ANKRD11: variants seen among roughly 807,000 people sequenced by gnomAD.
ANKRD11 encodes ankyrin repeat domain 11, also known as ankyrin repeat domain-containing protein 11.
A neutral mutation model predicts 195.7 loss-of-function variants in ANKRD11; 17 were observed. The observed-to-expected ratio is 0.09, with a 90% confidence interval of 0.06 to 0.13. The LOEUF (loss-of-function observed/expected upper bound fraction) is 0.13. ANKRD11 is among the 10% of genes least tolerant of loss of function. The pLI, the probability that ANKRD11 is intolerant of heterozygous loss-of-function variation, is 1.00. For synonymous variants in ANKRD11, 1,953 were observed against 1,528.1 expected, an observed-to-expected ratio of 1.28 and a Z score of -6.49; for missense variants, 3,735 against 3,566.1, an observed-to-expected ratio of 1.05 and a Z score of -1.21.
chr16:89,283,304 G>A lies in ANKRD11; in HGVS notation c.3238C>T (p.Leu1080Phe), dbSNP rs867828589. 19 of 1,614,040 alleles carry A rather than the reference G, an allele frequency of 1.2e-5. No individual in the cohort carries two copies. Among genetic ancestry groups the A allele is most frequent in the East Asian group, 2.2e-5 (1 of 44,874 alleles). The change falls in exon 9 of 13, where the codon CTC becomes TTC. Residue 1080 changes from leucine (L) to phenylalanine (F), a missense_variant. Leu to Phe is a conservative substitution (Grantham distance 22). Coordinates refer to ENST00000301030, the MANE Select transcript of ANKRD11 (RefSeq NM_013275.6). This position sits in a 1 kb window ranked among gnomAD's most constrained non-coding sequence, Gnocchi z 4.3. ...TCCTTCTTCTCTTTCCCTTGGTCGA[G>A]AGACGCTTTCCTTTCTTTGTCTTTG... ...HGKDKERKASLDQGKEKKEKA... is the reference protein window; with the variant it reads ...HGKDKERKASFDQGKEKKEKA...
chr16:89,450,541 G>C (rs934606377), intron 1 of ANKRD11, among the ~76,000 whole-genome samples: 7 of 152,304 alleles, frequency 4.6e-5, no homozygotes, highest in Middle Eastern at 3.4e-3. Context: ...CTTTGTTTTA[G>C]TACTGATTGC....
chr16:89,415,914 G>A (rs1010542395), intron 2 of ANKRD11, among the ~76,000 whole-genome samples: 25 of 148,426 alleles, frequency 1.7e-4, no homozygotes, highest in Middle Eastern at 3.5e-3. Flanking sequence ...GGGTCACGGC[G>A]CCTCTGGTCA....
chr16:89,325,198 C>T (rs1160686465), intron 2 of ANKRD11: 3 of 152,318 alleles, frequency 2.0e-5, no homozygotes, highest in Non-Finnish European at 4.4e-5. Flanking sequence ...GAGGGTGGAA[C>T]ACTACACAGC....
At chr16:89,482,681 T>C (rs1004820798) in intron 1 of ANKRD11, among the ~76,000 whole-genome samples, 6 of 152,166 alleles carry the variant, frequency 3.9e-5, no homozygotes, top group African/African-American at 7.2e-5. Flanking sequence ...ATTCCAGCAC[T>C]GCTGGGGGGC....
At chr16:89,467,361 G>A (rs1567845890) in intron 1 of ANKRD11, among the ~76,000 whole-genome samples, 1 of 152,138 alleles carries the variant, frequency 6.6e-6, no homozygotes, top group Non-Finnish European at 1.5e-5. Flanking sequence ...AAAACTGCCT[G>A]AGCCCAGGAA....
At chr16:89,310,523 A>G (rs1408069311) in intron 3 of ANKRD11, among the ~76,000 whole-genome samples, 2 of 152,218 alleles carry the variant, frequency 1.3e-5, no homozygotes, top group Admixed American at 6.5e-5. Flanking sequence ...TCTGTACATC[A>G]ATGTGGAGAG....
At chr16:89,468,368 T>C (rs866484697) in intron 1 of ANKRD11, among the ~76,000 whole-genome samples, 12 of 152,234 alleles carry the variant, frequency 7.9e-5, no homozygotes, top group Middle Eastern at 3.4e-3. Context: ...TTTGCACCCC[T>C]TGAACCCAGT....
At chr16:89,312,996 C>G (rs907202927) in intron 3 of ANKRD11, among the ~76,000 whole-genome samples, 1 of 152,200 alleles carries the variant, frequency 6.6e-6, no homozygotes, top group African/African-American at 2.4e-5. Context: ...CTGAGACTCG[C>G]TGGAGGGCTC....
Position 89,281,563 on chromosome 16 carries a change from A to C in ANKRD11, c.4979T>G (p.Ile1660Ser). 3 of 1,614,168 alleles carry C rather than the reference A, an allele frequency of 1.9e-6. No individual in the cohort carries two copies. The highest frequency in any genetic ancestry group is 8.5e-7 in the Non-Finnish European group (1 of 1,180,016). ...KDKKLKESTP[I>S]PPAAENKLHP... ...TAGCTTATTTTCCGCGGCAGGTGGA[A>C]TAGGAGTCGACTCTTTGAGCTTTTT... The change falls in exon 9 of 13, where the codon ATT (isoleucine) becomes AGT (serine). Residue 1660 changes from isoleucine (I) to serine (S), a missense_variant. Ile to Ser is a moderately radical substitution (Grantham distance 142, BLOSUM62 -2). Coordinates refer to ENST00000301030, the MANE Select transcript of ANKRD11 (RefSeq NM_013275.6). The surrounding 1 kb of genome is among the most constrained non-coding windows in gnomAD (Gnocchi z 5.5).
Position 89,280,104 on chromosome 16 carries a change from T to G in ANKRD11, c.6438A>C (p.Lys2146Asn). 6.2e-7 allele frequency: 1 copy of G among 1,613,070 alleles called. No homozygotes were observed. Among genetic ancestry groups the G allele is most frequent in the Non-Finnish European group, 8.5e-7 (1 of 1,179,890 alleles). Reference sequence around the variant, plus strand: ...GTTCCGCTTCACCATCTGCGGCATCTTTAGTCTGCAGGGGAAGCTCCGGCA... The same window carrying G: ...GTTCCGCTTCACCATCTGCGGCATCGTTAGTCTGCAGGGGAAGCTCCGGCA... ...FSLPELPLQTKDAADGEAEPV... is the reference protein window; with the variant it reads ...FSLPELPLQTNDAADGEAEPV... Residue 2146 changes from lysine (K) to asparagine (N), a missense_variant, in exon 9 of 13, where the codon AAA becomes AAC. Transcript: ENST00000301030.
chr16:89,398,741 G>A (rs992179425), intron 2 of ANKRD11, among the ~76,000 whole-genome samples: 4 of 151,284 alleles, frequency 2.6e-5, no homozygotes, highest in Admixed American at 1.3e-4. Context: ...GAGATTGTGT[G>A]TCCAAAAAAA....
intron 2 of ANKRD11, chr16:89,323,248 A>G (rs982754419): frequency 5.6e-6 from 7 of 1,243,230 alleles, no homozygotes; most frequent in Non-Finnish European, 6.3e-6. Flanking sequence ...GAGAAAAGGA[A>G]AAAGAGCTGC....
chr16:89,441,767 CAAAA>C (rs57747159), intron 1 of ANKRD11, among the ~76,000 whole-genome samples: 112 of 52,340 alleles, frequency 2.1e-3, no homozygotes, highest in African/African-American at 9.7e-3. Flanking sequence ...ACTCCGCCTA[CAAAA>C]AAAAAAAAAA....
At position 89,306,093 on chromosome 16, in the gene ANKRD11, G is replaced by A. The variant is rs144134261; in HGVS notation, c.88-749C>T. 7.8e-3 allele frequency among the ~76,000 whole-genome samples: 526 copies of A among 67,606 alleles called. 63 individuals are homozygous for A. The East Asian group carries it at 0.11, about 14-fold the overall frequency. The allele number at this position is 67,606 out of a possible 152,430, so 44.4% of individuals were successfully genotyped here. On this transcript the variant is annotated intron_variant, in intron 3 of 12. Coordinates refer to ENST00000301030, the MANE Select transcript of ANKRD11 (RefSeq NM_013275.6). ...ACACGCGCCATCTACCTCCCACTCCGCAGACACGCGCCACCTCCCACTCCG... is the reference window on the plus strand; with the variant it reads ...ACACGCGCCATCTACCTCCCACTCCACAGACACGCGCCACCTCCCACTCCG...
chr16:89,313,222 T>G, intron 3 of ANKRD11: 2 of 1,190,886 alleles, frequency 1.7e-6, no homozygotes, highest in South Asian at 1.4e-5. Context: ...GTGGCGTGCA[T>G]GGAGCACAAT....
intron 2 of ANKRD11, chr16:89,324,795 G>A (rs767328337): frequency 1.0e-5 from 3 of 289,070 alleles, no homozygotes; most frequent in South Asian, 5.9e-5. Context: ...TTGGCTTCCC[G>A]ACTTTTGAGG....
chr16:89,329,547 C>T (rs991939952), intron 2 of ANKRD11, among the ~76,000 whole-genome samples: 2 of 152,042 alleles, frequency 1.3e-5, no homozygotes, highest in Non-Finnish European at 2.9e-5. Flanking sequence ...AATTTTATGT[C>T]AATTGTAATT....
In ANKRD11 at chr16:89,270,892, T is replaced by A; in HGVS notation, c.7731A>T (p.Ser2577=). Reference sequence around the variant, plus strand: ...GGCGGGCGTTGAAACGGTCGCGCACTGACTTGTTCTCGTCACCCTGTGGAA... The same window carrying A: ...GGCGGGCGTTGAAACGGTCGCGCACAGACTTGTTCTCGTCACCCTGTGGAA... ...PLESQGDENK[S]VRDRFNARQF... The change falls in exon 12 of 13, where the codon TCA becomes TCT. Residue 2577 remains serine, a synonymous_variant. Transcript: ENST00000301030. 1 of 1,614,006 alleles carries A rather than the reference T, an allele frequency of 6.2e-7. No individual in the cohort carries two copies. Among genetic ancestry groups the A allele is most frequent in the Non-Finnish European group, 8.5e-7 (1 of 1,179,998 alleles).
chr16:89,366,223 A>G (rs139614042), intron 2 of ANKRD11, among the ~76,000 whole-genome samples: 14 of 151,874 alleles, frequency 9.2e-5, no homozygotes, highest in South Asian at 2.1e-4. Flanking sequence ...TCTTTATCCA[A>G]TCCGTCACTG....
Sources: gnomAD v4.1 joint callset for allele counts (sites outside exome capture counted in the v4.1 genomes callset) on GRCh38, gnomAD v4.1.1 for gene constraint, Gnocchi (gnomAD v3.1) non-coding constraint, MANE v1.5 for transcripts, NCBI Gene and HGNC (gene_info 2026-07-23, HGNC 2026-07-21) for gene names.